The following NSUN3 variants were observed in gnomAD, a reference collection of about 807,000 sequenced individuals.
The protein encoded by NSUN3 is tRNA (cytosine(34)-C(5))-methyltransferase, mitochondrial.
In NSUN3, 24 loss-of-function variants were observed where a neutral mutation model predicts 36.8. The ratio of observed to expected loss-of-function variants is 0.65; its 90% CI spans 0.47 to 0.92. The LOEUF is 0.92. Ranked by LOEUF, NSUN3 falls within the 40% of genes least tolerant of loss-of-function variation. The pLI is 0.00. For synonymous variants in NSUN3, 146 were observed against 145.2 expected (o/e 1.01, Z -0.04); for missense variants, 381 against 392.8 (o/e 0.97, Z 0.25).
At chr3:94,109,016 G>GT (rs2077404322) in intron 5 of NSUN3, among the ~76,000 whole-genome samples, 1 of 152,180 alleles carries the variant, frequency 6.6e-6, no homozygotes, top group Non-Finnish European at 1.5e-5. Flanking sequence ...CGGTTGTGCT[G>GT]TATGTAAAAA....
intron 5 of NSUN3, among the ~76,000 whole-genome samples, chr3:94,122,170 A>C (rs1576103633): frequency 1.3e-5 from 2 of 151,746 alleles, no homozygotes; most frequent in Admixed American, 1.3e-4. Flanking sequence ...AAAAAAAAAA[A>C]ACAATTTAAG....
intron 2 of NSUN3, among the ~76,000 whole-genome samples, chr3:94,070,935 T>A (rs1303482615): frequency 6.6e-6 from 1 of 152,230 alleles, no homozygotes; most frequent in Non-Finnish European, 1.5e-5. Flanking sequence ...GCTAAGTGAT[T>A]TGGGGATATA....
Position 94,129,871 on chromosome 3 carries a change from G to T in NSUN3, c.*3381G>T, listed in dbSNP as rs1231244199. On this transcript the variant is annotated 3_prime_UTR_variant, in exon 6 of 6. Transcript: ENST00000314622. ...CGGGTTCAAGCAGTTTTCTGCCTCA[G>T]CCTCCCAAGTAACTGAGATCACAGG... Among the ~76,000 whole-genome samples, 1 of 147,586 alleles carries T rather than the reference G, an allele frequency of 6.8e-6. No homozygotes were observed. The highest frequency in any genetic ancestry group is 1.5e-5 in the Non-Finnish European group (1 of 67,410).
intron 5 of NSUN3, among the ~76,000 whole-genome samples, chr3:94,109,805 C>T (rs1462448762): frequency 2.0e-5 from 3 of 152,122 alleles, no homozygotes; most frequent in Non-Finnish European, 4.4e-5. Context: ...ACACTAAGCT[C>T]AAGGAGTTTT....
intron 2 of NSUN3, among the ~76,000 whole-genome samples, chr3:94,073,157 A>G (rs1254490790): frequency 6.6e-6 from 1 of 152,148 alleles, no homozygotes; most frequent in African/African-American, 2.4e-5. Flanking sequence ...GCTGCATAGT[A>G]TTTCATGGGG....
At chr3:94,095,451 GTTCATAGCCCTGT>G (rs2077333918) in intron 5 of NSUN3, among the ~76,000 whole-genome samples, 1 of 152,168 alleles carries the variant, frequency 6.6e-6, no homozygotes. Flanking sequence ...AACCCTGGGG[GTTCATAGCCCTGT>G]TTCTTTTACC....
chr3:94,080,139 G>C (rs565901138), intron 2 of NSUN3, among the ~76,000 whole-genome samples: 47 of 152,282 alleles, frequency 3.1e-4, no homozygotes, highest in African/African-American at 1.1e-3. Flanking sequence ...ATTCCTTTCT[G>C]TTTGTTAGTT....
intron 5 of NSUN3, among the ~76,000 whole-genome samples, chr3:94,104,170 G>A (rs1041386380): frequency 6.6e-6 from 1 of 152,082 alleles, no homozygotes; most frequent in African/African-American, 2.4e-5. Context: ...TAACCTAAAT[G>A]CTCCCCATTG....
At chr3:94,125,621 A>G (rs191566099) in intron 5 of NSUN3, among the ~76,000 whole-genome samples, 1 of 152,332 alleles carries the variant, frequency 6.6e-6, no homozygotes, top group East Asian at 1.9e-4. Flanking sequence ...CATCGATTTA[A>G]AGACAAACTC....
At position 94,129,804 on chromosome 3, in the gene NSUN3, C is replaced by A. The variant is rs936072; in HGVS notation, c.*3314C>A. On this transcript the variant is annotated 3_prime_UTR_variant, in exon 6 of 6. Transcript: ENST00000314622. The stretch of plus-strand genomic sequence containing the variant: ...TTGCTCTGTCGCCCAGGCTGGATGG[C>A]GTGCAGTGGCATGATCTCAGCTCAC... Among the ~76,000 whole-genome samples, 143,006 of 144,186 alleles carry A rather than the reference C, an allele frequency of 0.99. 70,930 individuals carry two copies. Among genetic ancestry groups the A allele is most frequent in the East Asian group, 1 (4,808 of 4,808 alleles). The allele number at this position is 144,186 out of a possible 152,430, so 94.6% of individuals were successfully genotyped here. A position where few individuals can be genotyped will look rare whatever the true frequency, so the allele number is the denominator to read the frequency against.
chr3:94,099,741 G>GA (rs1413349240), intron 5 of NSUN3, among the ~76,000 whole-genome samples: 1 of 147,688 alleles, frequency 6.8e-6, no homozygotes, highest in Non-Finnish European at 1.5e-5. Context: ...AAGATAAGGG[G>GA]AAAAAAAATG....
intron 2 of NSUN3, among the ~76,000 whole-genome samples, chr3:94,075,431 G>A (rs954056755): frequency 2.6e-5 from 4 of 152,196 alleles, no homozygotes; most frequent in African/African-American, 9.6e-5. Context: ...ATCCTGGAAA[G>A]TCAGGTGTCA....
chr3:94,114,684 G>A (rs923823581), intron 5 of NSUN3, among the ~76,000 whole-genome samples: 7 of 152,162 alleles, frequency 4.6e-5, no homozygotes, highest in South Asian at 2.1e-4. Context: ...GCGTGATGCC[G>A]AGGTTTGGGA....
chr3:94,083,072 T>C (rs2077276922), intron 2 of NSUN3, among the ~76,000 whole-genome samples: 1 of 152,070 alleles, frequency 6.6e-6, no homozygotes, highest in South Asian at 2.1e-4. Flanking sequence ...GGGTTCATTT[T>C]GACAGACTTA....
At chr3:94,106,191 TGTACTA>T (rs2077388000) in intron 5 of NSUN3, among the ~76,000 whole-genome samples, 1 of 152,194 alleles carries the variant, frequency 6.6e-6, no homozygotes, top group African/African-American at 2.4e-5. Flanking sequence ...ATTACTCTGT[TGTACTA>T]GTACTTTATA....
At chr3:94,112,183 C>T (rs2077420597) in intron 5 of NSUN3, among the ~76,000 whole-genome samples, 2 of 152,194 alleles carry the variant, frequency 1.3e-5, no homozygotes, top group African/African-American at 4.8e-5. Context: ...CTCAGTCTAA[C>T]AATTCAGATG....
Position 94,131,008 on chromosome 3 carries a change from G to T in NSUN3, c.*4518G>T, listed in dbSNP as rs2077506934. Among the ~76,000 whole-genome samples, 2 of 151,956 alleles carry T rather than the reference G, an allele frequency of 1.3e-5. No homozygotes were observed. Among genetic ancestry groups the T allele is most frequent in the South Asian group, 4.2e-4 (2 of 4,812 alleles). On this transcript the variant is annotated 3_prime_UTR_variant, in exon 6 of 6. Coordinates refer to ENST00000314622, the MANE Select transcript of NSUN3 (RefSeq NM_022072.5). ...GCTCACTGCAGCCTCGACTTCCTGGGTTCAAGTTATCTTTTCGCCTCAGCC... is the reference window on the plus strand; with the variant it reads ...GCTCACTGCAGCCTCGACTTCCTGGTTTCAAGTTATCTTTTCGCCTCAGCC...
rs1220502390 is a variant in NSUN3, at chr3:94,128,949, T to G, written c.*2459T>G. Among the ~76,000 whole-genome samples the G allele has an allele frequency of 6.6e-6, 1 of 152,028 alleles. No individual in the cohort carries two copies. The highest frequency in any genetic ancestry group is 1.5e-5 in the Non-Finnish European group (1 of 68,004). On this transcript the variant is annotated 3_prime_UTR_variant, in exon 6 of 6. Transcript: ENST00000314622. ...AATCAAAACCACACTGAGATAATAT[T>G]TTACACCAGTCAGAATGGCTATTAT...
chr3:94,104,597 G>A (rs989115431), intron 5 of NSUN3, among the ~76,000 whole-genome samples: 6 of 152,160 alleles, frequency 3.9e-5, no homozygotes, highest in East Asian at 1.9e-4. Flanking sequence ...TACATGCTTG[G>A]CATGGAAACA....
Sources: allele counts gnomAD v4.1 joint callset (sites outside exome capture counted in the v4.1 genomes callset), GRCh38; gene constraint gnomAD v4.1.1; transcripts MANE v1.5; gene names NCBI Gene and HGNC (gene_info 2026-07-23, HGNC 2026-07-21).